TRMT44: variants seen among roughly 807,000 people sequenced by gnomAD.
TRMT44 encodes tRNA methyltransferase 44 homolog.
A neutral mutation model predicts 77.3 loss-of-function variants in TRMT44; 78 were observed. The ratio of observed to expected loss-of-function variants is 1.01; its 90% CI spans 0.84 to 1.22. The LOEUF is 1.22. Ranked by LOEUF, TRMT44 falls within the 50% of genes most tolerant of loss-of-function variation. The pLI, the probability that TRMT44 is intolerant of heterozygous loss-of-function variation, is 0.00. For missense variants in TRMT44, 1,090 were observed against 964.4 expected (o/e 1.13, Z -1.73); for synonymous variants, 391 against 383.3 (o/e 1.02, Z -0.23).
intron 2 of TRMT44, among the ~76,000 whole-genome samples, chr4:8,447,593 A>G (rs976209006): frequency 6.6e-6 from 1 of 152,136 alleles, no homozygotes; most frequent in Middle Eastern, 3.2e-3. Context: ...CTCACCTTGA[A>G]ATGGGTTTAA....
the TRMT44 span, among the ~76,000 whole-genome samples, chr4:8,502,757 C>T: frequency 6.6e-6 from 1 of 152,222 alleles, no homozygotes; most frequent in African/African-American, 2.4e-5. Context: ...GAAGCAGTGC[C>T]ATTGCCTTGG....
At chr4:8,491,409 G>C (rs143563940) in intron 2 of TRMT44, among the ~76,000 whole-genome samples, 2 of 152,194 alleles carry the variant, frequency 1.3e-5, no homozygotes, top group African/African-American at 4.8e-5. Context: ...CTGTGCGCTC[G>C]CACTCCTCAG....
chr4:8,443,042 T>C (rs1724848984), intron 1 of TRMT44, among the ~76,000 whole-genome samples: 1 of 152,216 alleles, frequency 6.6e-6, no homozygotes, highest in Non-Finnish European at 1.5e-5. Context: ...GAGGCTCTTC[T>C]GCCTACCTCA....
intron 6 of TRMT44, among the ~76,000 whole-genome samples, chr4:8,458,934 C>T (rs1030796873): frequency 1.3e-5 from 2 of 151,758 alleles, no homozygotes; most frequent in Admixed American, 6.6e-5. Flanking sequence ...TACAGTGGCT[C>T]ACACCAGCAA....
At chr4:8,450,891 G>A (rs1485573876) in intron 3 of TRMT44, among the ~76,000 whole-genome samples, 2 of 137,968 alleles carry the variant, frequency 1.4e-5, no homozygotes, top group Admixed American at 8.0e-5. Flanking sequence ...TCAACCTCCC[G>A]GGCTCAAGCG....
At chr4:8,457,585 G>A (rs1318572920) in intron 6 of TRMT44, among the ~76,000 whole-genome samples, 1 of 152,164 alleles carries the variant, frequency 6.6e-6, no homozygotes, top group Admixed American at 6.5e-5. Context: ...GAAAGGATTG[G>A]ATGCTGTGGA....
rs1483917111 is a variant in TRMT44 at position 8,451,873 on chromosome 4, A to G, written c.955-87A>G. The G allele has an allele frequency of 2.4e-6, 3 of 1,234,164 alleles. No individual in the cohort carries two copies. The highest frequency in any genetic ancestry group is 1.5e-5 in the African/African-American group (1 of 67,126). 76.5% of individuals were successfully genotyped at this position (1,234,164 alleles called of 1,614,324 possible). On this transcript the variant is annotated intron_variant, in intron 3 of 10. Coordinates refer to ENST00000389737, the MANE Select transcript of TRMT44 (RefSeq NM_152544.3). This position sits in a 1 kb window ranked among gnomAD's most constrained non-coding sequence, Gnocchi z 4.1. ...TTTAGTGTACGATTAGTCCAGTTTG[A>G]TTTATGCTTTATAGGGATACTTAAA... is the stretch of plus-strand genomic sequence containing the variant.
chr4:8,465,633 G>C (rs1423893569), intron 8 of TRMT44, 72 bp downstream of exon 8: 1 of 1,368,010 alleles, frequency 7.3e-7, no homozygotes, highest in Non-Finnish European at 1.0e-6. Context: ...CTCTGCCACA[G>C]AGCCATGAAC....
At chr4:8,504,113 G>T in the TRMT44 span, among the ~76,000 whole-genome samples, 1 of 151,396 alleles carries the variant, frequency 6.6e-6, no homozygotes, top group South Asian at 2.1e-4. This position sits in a 1 kb window ranked among gnomAD's most constrained non-coding sequence, Gnocchi z 5.3. Flanking sequence ...TGCTGGGAGG[G>T]TCTCAGGGCG....
chr4:8,441,645 G>A (rs2109071527), intron 1 of TRMT44, among the ~76,000 whole-genome samples: 1 of 152,274 alleles, frequency 6.6e-6, no homozygotes, highest in Admixed American at 6.5e-5. Context: ...GTGGTGTCTG[G>A]AAGGCTTCAA....
downstream of TRMT44, among the ~76,000 whole-genome samples, chr4:8,494,994 G>A (rs1349732651): frequency 2.6e-5 from 4 of 152,004 alleles, no homozygotes. Flanking sequence ...ACGGGTGAAC[G>A]GTGTGCTTTC....
At chr4:8,502,583 G>T in the TRMT44 span, among the ~76,000 whole-genome samples, 2 of 152,220 alleles carry the variant, frequency 1.3e-5, no homozygotes, top group African/African-American at 4.8e-5. Flanking sequence ...TCACCAGGAT[G>T]TTGGCAGTAT....
At chr4:8,477,023 G>A (rs762033523), downstream of TRMT44, 2 of 152,206 alleles carry the variant, frequency 1.3e-5, no homozygotes, top group African/African-American at 2.4e-5. Flanking sequence ...TGACAGCTGC[G>A]AGCCATGGCG....
At chr4:8,489,193 G>C (rs938483781) in intron 2 of TRMT44, among the ~76,000 whole-genome samples, 3 of 152,206 alleles carry the variant, frequency 2.0e-5, no homozygotes, top group African/African-American at 7.2e-5. Flanking sequence ...GAAGGCCCTG[G>C]GGCTGTCATT....
Position 8,467,969 on chromosome 4 carries a change from A to G in TRMT44, c.1550A>G (p.Asp517Gly), listed in dbSNP as rs1282708398. The change falls in exon 9 of 11, where the codon GAT becomes GGT. Residue 517 changes from aspartate (D) to glycine (G), a missense_variant. Asp to Gly is a moderately conservative substitution (Grantham distance 94). Coordinates refer to ENST00000389737, the MANE Select transcript of TRMT44 (RefSeq NM_152544.3). ...CCTTCCTCCAGAGAAGCTTCCGTGG[A>G]TGAAAAGAGGACTCAGTACATTAAG... ...TYPSSREASVDEKRTQYIKSR... is the reference protein window; with the variant it reads ...TYPSSREASVGEKRTQYIKSR... 5 of 1,613,918 alleles carry G rather than the reference A, an allele frequency of 3.1e-6. No homozygotes were observed. In the African/African-American group the frequency reaches 6.7e-5, roughly 22 times the overall value.
At chr4:8,511,910 CA>C in the TRMT44 span, 1 of 152,212 alleles carries the variant, frequency 6.6e-6, no homozygotes, top group Non-Finnish European at 1.5e-5. Context: ...CAAAGATAGT[CA>C]ATGATCGTGA....
At chr4:8,475,666 G>C in intron 10 of TRMT44, 106 bp from the exon 11 acceptor site, 1 of 1,020,278 alleles carries the variant, frequency 9.8e-7, no homozygotes, top group Non-Finnish European at 1.5e-6. Flanking sequence ...TTGTATCCCT[G>C]ACCCTGGATT....
At position 8,465,422 on chromosome 4, in the gene TRMT44, T is replaced by C; in HGVS notation, c.1355T>C (p.Phe452Ser). ...TTCTTTGTCCTCCCCTGCTGCTTCTTTGACTTCATTGGAAGATACTCCCGG... is the reference window on the plus strand; with the variant it reads ...TTCTTTGTCCTCCCCTGCTGCTTCTCTGACTTCATTGGAAGATACTCCCGG... ...CRFFVLPCCF[F>S]DFIGRYSRRQ... Residue 452 changes from phenylalanine to serine, a missense_variant, in exon 8 of 11, where the codon TTT becomes TCT. Coordinates refer to ENST00000389737, the MANE Select transcript of TRMT44 (RefSeq NM_152544.3). The C allele has an allele frequency of 6.2e-7, 1 of 1,613,992 alleles. No homozygotes were observed. Among genetic ancestry groups the C allele is most frequent in the Non-Finnish European group, 8.5e-7 (1 of 1,179,980 alleles).
intron 6 of TRMT44, among the ~76,000 whole-genome samples, chr4:8,463,501 CTCTG>C (rs1031076717): frequency 4.6e-5 from 7 of 152,272 alleles, no homozygotes; most frequent in South Asian, 2.1e-4. Flanking sequence ...TATGTAAATT[CTCTG>C]TCTATTCATA....
Sources: gnomAD v4.1 joint callset for allele counts (sites outside exome capture counted in the v4.1 genomes callset) on GRCh38, gnomAD v4.1.1 for gene constraint, Gnocchi (gnomAD v3.1) non-coding constraint, MANE v1.5 for transcripts, NCBI Gene and HGNC (gene_info 2026-07-23, HGNC 2026-07-21) for gene names.